MAGI1: variants seen among roughly 807,000 people sequenced by gnomAD.
MAGI1 encodes membrane-associated guanylate kinase, WW and PDZ domain-containing protein 1.
MAGI1 carries 58 observed loss-of-function variants against 139.9 expected under a neutral mutation model. That is an observed-to-expected ratio of 0.41 (90% CI 0.34 to 0.52). The LOEUF (loss-of-function observed/expected upper bound fraction) is 0.52, where lower values mean the gene tolerates loss of function less well. Ranked by LOEUF, MAGI1 falls within the 20% of genes least tolerant of loss-of-function variation. The probability of loss-of-function intolerance (pLI) is 0.12; values close to 1 mark genes in which losing one functional copy is unlikely to be tolerated. For missense variants in MAGI1, 1,874 were observed against 1,901.6 expected, an observed-to-expected ratio of 0.99 and a Z score of 0.27; for synonymous variants, 812 against 737.9, an observed-to-expected ratio of 1.10 and a Z score of -1.63.
At chr3:65,990,697 T>A (rs910900996) in intron 1 of MAGI1, among the ~76,000 whole-genome samples, 1 of 152,244 alleles carries the variant, frequency 6.6e-6, no homozygotes, top group Non-Finnish European at 1.5e-5. Flanking sequence ...CTTAGTCATC[T>A]TCAAATATAT....
chr3:65,634,705 T>C (rs1287722848), intron 1 of MAGI1, among the ~76,000 whole-genome samples: 1 of 152,186 alleles, frequency 6.6e-6, no homozygotes, highest in Non-Finnish European at 1.5e-5. Flanking sequence ...ATGCAGTGTG[T>C]AAGCTTGATT....
intron 1 of MAGI1, among the ~76,000 whole-genome samples, chr3:65,849,527 A>G (rs2059135204): frequency 2.7e-5 from 4 of 150,650 alleles, no homozygotes; most frequent in South Asian, 2.1e-4. Flanking sequence ...ATATACATAT[A>G]TATCATCAAA....
At chr3:65,849,423 T>C (rs903282775) in intron 1 of MAGI1, among the ~76,000 whole-genome samples, 2 of 151,570 alleles carry the variant, frequency 1.3e-5, no homozygotes, top group African/African-American at 4.8e-5. Context: ...CTCCCTACCA[T>C]TGACCTATTT....
intron 7 of MAGI1, among the ~76,000 whole-genome samples, chr3:65,444,857 A>T (rs1352848254): frequency 6.6e-6 from 1 of 152,184 alleles, no homozygotes; most frequent in Non-Finnish European, 1.5e-5. Flanking sequence ...AAACTCCAGA[A>T]ATTGAAAAGA....
At chr3:65,759,996 A>G (rs1023427744) in intron 1 of MAGI1, among the ~76,000 whole-genome samples, 3 of 152,202 alleles carry the variant, frequency 2.0e-5, no homozygotes, top group Non-Finnish European at 4.4e-5. Flanking sequence ...AAAATTGGAG[A>G]GCACGAAAGT....
At chr3:65,952,044 A>G (rs1015561630) in intron 1 of MAGI1, among the ~76,000 whole-genome samples, 3 of 152,220 alleles carry the variant, frequency 2.0e-5, no homozygotes, top group Middle Eastern at 3.2e-3. Context: ...TGCTTCTGTC[A>G]CTGTGGTTTG....
At chr3:65,429,441 TG>T in intron 12 of MAGI1, 78 bp downstream of exon 12, 1 of 1,389,366 alleles carries the variant, frequency 7.2e-7, no homozygotes, top group Non-Finnish European at 9.7e-7. Context: ...AAGCCCCCAG[TG>T]GTCATCTGAA....
intron 1 of MAGI1, among the ~76,000 whole-genome samples, chr3:65,691,307 A>AAAAAAAAAAAAAAAAAAAAAAAAAAAAAG (rs1388046202): frequency 1.5e-5 from 2 of 133,640 alleles, no homozygotes; most frequent in Non-Finnish European, 3.4e-5. Flanking sequence ...CGTCTCAAAA[A>AAAAAAAAAAAAAAAAAAAAAAAAAAAAAG]AAAAAAAAGA....
chr3:65,898,258 A>C (rs1164089935), intron 1 of MAGI1, among the ~76,000 whole-genome samples: 2 of 152,144 alleles, frequency 1.3e-5, no homozygotes, highest in African/African-American at 4.8e-5. Flanking sequence ...ATAACATCGA[A>C]TTTTTATTCA....
intron 1 of MAGI1, among the ~76,000 whole-genome samples, chr3:65,669,027 T>C (rs987918141): frequency 6.6e-6 from 1 of 152,204 alleles, no homozygotes; most frequent in African/African-American, 2.4e-5. Context: ...AACCTCCACC[T>C]CCCAGGTTCA....
chr3:65,867,499 C>CG (rs1203492078), intron 1 of MAGI1, among the ~76,000 whole-genome samples: 1 of 152,110 alleles, frequency 6.6e-6, no homozygotes, highest in African/African-American at 2.4e-5. Flanking sequence ...CTGTGGGCGG[C>CG]CGAAGTGAAA....
At chr3:65,816,941 T>A (rs1299983805) in intron 1 of MAGI1, among the ~76,000 whole-genome samples, 2 of 152,216 alleles carry the variant, frequency 1.3e-5, no homozygotes, top group Non-Finnish European at 2.9e-5. Flanking sequence ...TTCAACGGAC[T>A]AAAAAATAAT....
chr3:65,989,205 T>G (rs2066036896), intron 1 of MAGI1, among the ~76,000 whole-genome samples: 1 of 152,178 alleles, frequency 6.6e-6, no homozygotes, highest in Non-Finnish European at 1.5e-5. Context: ...TTAAGAGGAT[T>G]TATATAGAAA....
At position 65,441,117 on chromosome 3, in the gene MAGI1, T is replaced by C. The variant is rs192731007; in HGVS notation, c.1137-1105A>G. ...CTGGGATTTCAAGCGTGCATCACCA[T>C]ACCCGGCTAATTTTTGTATTTTCAG... On this transcript the variant is annotated intron_variant, in intron 8 of 22. Coordinates refer to ENST00000402939, the MANE Select transcript of MAGI1 (RefSeq NM_001033057.2). 6.3e-3 allele frequency among the ~76,000 whole-genome samples: 963 copies of C among 152,018 alleles called. 10 individuals are homozygous for C. Among genetic ancestry groups the C allele is most frequent in the African/African-American group, 0.022 (915 of 41,490 alleles).
chr3:65,479,324 C>CAA (rs1951097238), intron 3 of MAGI1, among the ~76,000 whole-genome samples: 1 of 152,038 alleles, frequency 6.6e-6, no homozygotes, highest in African/African-American at 2.4e-5. Context: ...GCAGGCTTGA[C>CAA]TCTCAGAGTC....
chr3:65,421,617 G>A (rs55944616), intron 12 of MAGI1, among the ~76,000 whole-genome samples: 5,385 of 152,220 alleles, frequency 0.035, 134 homozygotes, highest in Non-Finnish European at 0.048. Flanking sequence ...TTTTTCTCGT[G>A]TTTTGAGGTT....
At chr3:65,923,257 GCT>G (rs1263551990) in intron 1 of MAGI1, among the ~76,000 whole-genome samples, 135 of 133,428 alleles carry the variant, frequency 1.0e-3, no homozygotes, top group Admixed American at 3.0e-3. Context: ...ATGGAGTCTC[GCT>G]CTGTCACCCA....
chr3:65,574,582 T>A (rs1391854754), intron 2 of MAGI1, among the ~76,000 whole-genome samples: 1 of 151,910 alleles, frequency 6.6e-6, no homozygotes, highest in Non-Finnish European at 1.5e-5. Flanking sequence ...AATCCTACCA[T>A]ACGTTTTGTC....
intron 1 of MAGI1, among the ~76,000 whole-genome samples, chr3:65,848,134 AAAG>A (rs1273688121): frequency 3.9e-5 from 6 of 152,234 alleles, no homozygotes; most frequent in East Asian, 1.9e-4. Flanking sequence ...CCAGAATTAA[AAAG>A]AAGAAGTCAG....
Sources: gnomAD v4.1 joint callset for allele counts (sites outside exome capture counted in the v4.1 genomes callset) on GRCh38, gnomAD v4.1.1 for gene constraint, MANE v1.5 for transcripts, NCBI Gene and HGNC (gene_info 2026-07-23, HGNC 2026-07-21) for gene names.